Variants in CDH13 observed in about 807,000 individuals in gnomAD.
CDH13 encodes the protein cadherin 13.
A neutral mutation model predicts 63.8 loss-of-function variants in CDH13; 24 were observed. The observed-to-expected ratio is 0.38, with a 90% CI of 0.27 to 0.53. The LOEUF is 0.53. Ranked by LOEUF, CDH13 falls within the 20% of genes least tolerant of loss-of-function variation. CDH13 has a pLI of 0.85. For missense variants in CDH13, 1,049 were observed against 903.1 expected (o/e 1.16, Z -2.07); for synonymous variants, 503 against 355.3 (o/e 1.42, Z -4.67).
intron 1 of CDH13, among the ~76,000 whole-genome samples, chr16:82,759,376 T>C (rs977938671): frequency 2.0e-5 from 3 of 152,104 alleles, no homozygotes; most frequent in Non-Finnish European, 2.9e-5. Flanking sequence ...CTACACCCAT[T>C]TTAGGGAAGA....
intron 2 of CDH13, among the ~76,000 whole-genome samples, chr16:82,940,153 C>G (rs763923356): frequency 2.0e-5 from 3 of 152,140 alleles, no homozygotes; most frequent in Non-Finnish European, 2.9e-5. Context: ...ATTATTAATT[C>G]AAGATGAGAT....
chr16:83,195,722 C>T (rs1221697143), intron 4 of CDH13, among the ~76,000 whole-genome samples: 1 of 152,120 alleles, frequency 6.6e-6, no homozygotes, highest in Non-Finnish European at 1.5e-5. Context: ...TGTAAAGAAT[C>T]ACCCTAGCAA....
intron 8 of CDH13, among the ~76,000 whole-genome samples, chr16:83,669,710 C>G (rs1748355536): frequency 6.6e-6 from 1 of 152,190 alleles, no homozygotes; most frequent in Admixed American, 6.5e-5. Flanking sequence ...AATTAATCAG[C>G]CACTGCTTTT....
Position 83,388,590 on chromosome 16 carries a change from A to G in CDH13, c.781+43584A>G, listed in dbSNP as rs368109366. On this transcript the variant is annotated intron_variant, in intron 6 of 13. Transcript: ENST00000567109. ...GCAGCTACAGTCCTCACCACACCCT[A>G]TTGCCTTGCACTCTTCCCATGATGC... Among the ~76,000 whole-genome samples the G allele has an allele frequency of 3.4e-3, 518 of 152,192 alleles. 2 individuals carry two copies. The highest frequency in any genetic ancestry group is 5.3e-3 in the Non-Finnish European group (362 of 68,004).
At chr16:83,633,592 G>A (rs533105037) in intron 8 of CDH13, among the ~76,000 whole-genome samples, 23 of 152,222 alleles carry the variant, frequency 1.5e-4, no homozygotes, top group African/African-American at 5.1e-4. Context: ...CTTACTTTGC[G>A]TCTATCATTA....
chr16:83,693,025 G>T (rs1247843213), intron 10 of CDH13, among the ~76,000 whole-genome samples: 3 of 152,220 alleles, frequency 2.0e-5, no homozygotes, highest in Non-Finnish European at 4.4e-5. Flanking sequence ...AGAGGTTGTG[G>T]TGAGCTGAGA....
intron 2 of CDH13, among the ~76,000 whole-genome samples, chr16:83,014,776 GTATATATATATATTTGTATATA>G (rs1914557995): frequency 5.4e-5 from 2 of 37,306 alleles, no homozygotes; most frequent in Non-Finnish European, 1.1e-4. Flanking sequence ...ATATATATAT[GTATATATATATATTTGTATATA>G]TATATGTATA....
At chr16:82,935,548 T>G (rs939209711) in intron 2 of CDH13, among the ~76,000 whole-genome samples, 16 of 152,126 alleles carry the variant, frequency 1.1e-4, no homozygotes, top group Non-Finnish European at 1.8e-4. Context: ...AAGAAAAAAG[T>G]AAAAAGGACC....
At chr16:82,827,999 C>T (rs544237972) in intron 1 of CDH13, among the ~76,000 whole-genome samples, 3 of 152,238 alleles carry the variant, frequency 2.0e-5, no homozygotes, top group Non-Finnish European at 4.4e-5. Context: ...GAGAGTCTCA[C>T]ACTCCGGGAA....
intron 6 of CDH13, among the ~76,000 whole-genome samples, chr16:83,419,050 C>G (rs768174944): frequency 2.0e-5 from 3 of 152,138 alleles, no homozygotes; most frequent in East Asian, 1.9e-4. Flanking sequence ...AAGCAGCACT[C>G]TGTGCCCTTA....
intron 4 of CDH13, among the ~76,000 whole-genome samples, chr16:83,143,937 T>C (rs931795716): frequency 1.3e-5 from 2 of 152,066 alleles, no homozygotes; most frequent in East Asian, 1.9e-4. Context: ...AGAATCAACA[T>C]AGTGAGACGA....
intron 1 of CDH13, among the ~76,000 whole-genome samples, chr16:82,828,001 C>T (rs1279275820): frequency 6.6e-6 from 1 of 152,150 alleles, no homozygotes; most frequent in African/African-American, 2.4e-5. Flanking sequence ...GAGTCTCACA[C>T]TCCGGGAAAC....
chr16:82,940,685 C>T (rs983209479), intron 2 of CDH13, among the ~76,000 whole-genome samples: 2 of 152,152 alleles, frequency 1.3e-5, no homozygotes, highest in Non-Finnish European at 2.9e-5. Context: ...CTTTTGCTCA[C>T]ACATACTGTG....
chr16:83,292,452 C>T (rs917740030), intron 5 of CDH13, among the ~76,000 whole-genome samples: 10 of 152,152 alleles, frequency 6.6e-5, no homozygotes, highest in African/African-American at 2.4e-4. Context: ...CTCCATTACT[C>T]CCCCTTTGAT....
intron 2 of CDH13, among the ~76,000 whole-genome samples, chr16:83,018,880 G>A (rs1425822591): frequency 6.6e-6 from 1 of 152,168 alleles, no homozygotes; most frequent in Non-Finnish European, 1.5e-5. Context: ...TAAAAATATA[G>A]TCTAAAAGGT....
chr16:83,288,130 C>A (rs770814900), intron 5 of CDH13, among the ~76,000 whole-genome samples: 4 of 152,086 alleles, frequency 2.6e-5, no homozygotes. Context: ...AAAAATATTG[C>A]GTTAAAATAG....
At chr16:83,077,257 G>A (rs1490441566) in intron 3 of CDH13, among the ~76,000 whole-genome samples, 1 of 120,538 alleles carries the variant, frequency 8.3e-6, no homozygotes, top group African/African-American at 3.2e-5. Flanking sequence ...CAGTGATGCA[G>A]TCTTGGCTCA....
chr16:82,652,601 A>T (rs1400629253), intron 1 of CDH13, among the ~76,000 whole-genome samples: 2 of 151,416 alleles, frequency 1.3e-5, no homozygotes, highest in African/African-American at 4.9e-5. Flanking sequence ...GATCTTGGAA[A>T]ATGAACCAAT....
At chr16:82,888,279 A>C (rs1230605741) in intron 2 of CDH13, among the ~76,000 whole-genome samples, 1 of 152,182 alleles carries the variant, frequency 6.6e-6, no homozygotes. Context: ...AGCTTCATGA[A>C]ATCTGGGAGA....
Sources: gnomAD v4.1 joint callset for allele counts (sites outside exome capture counted in the v4.1 genomes callset) on GRCh38, gnomAD v4.1.1 for gene constraint, MANE v1.5 for transcripts, NCBI Gene and HGNC (gene_info 2026-07-23, HGNC 2026-07-21) for gene names.